CIBAR2: variants seen among roughly 807,000 people sequenced by gnomAD.
CIBAR2 encodes CBY1 interacting BAR domain containing 2.
A neutral mutation model predicts 36.2 loss-of-function variants in CIBAR2; 38 were observed. That is an observed-to-expected ratio of 1.05 (90% confidence interval 0.81 to 1.38). The LOEUF (loss-of-function observed/expected upper bound fraction) is 1.38. CIBAR2 is among the 40% of genes most tolerant of loss of function. The pLI is 0.00. For missense variants in CIBAR2, 481 were observed against 383.4 expected (o/e 1.25, Z -2.13); for synonymous variants, 182 against 149.5 (o/e 1.22, Z -1.58).
At chr16:85,110,955 T>A (rs1006782060) in intron 1 of CIBAR2, among the ~76,000 whole-genome samples, 6 of 151,950 alleles carry the variant, frequency 3.9e-5, no homozygotes, top group African/African-American at 1.4e-4. Context: ...TCTGCCTGCC[T>A]TGGCCTCCCA....
intron 2 of CIBAR2, among the ~76,000 whole-genome samples, chr16:85,109,729 G>C (rs565324427): frequency 2.0e-5 from 3 of 152,264 alleles, no homozygotes; most frequent in African/African-American, 7.2e-5. Flanking sequence ...AAACTCCTGG[G>C]CTCAGACAGT....
rs142788358 is a variant in CIBAR2 at position 85,100,208 on chromosome 16, C to G, written c.684G>C (p.Gly228=). Residue 228 remains glycine, a synonymous_variant, in exon 8 of 9, where the codon GGG becomes GGC. Coordinates refer to ENST00000539556, the MANE Select transcript of CIBAR2 (RefSeq NM_198491.3). ...DFRAKMQGVY[G]HYDTRLLANT... Reference sequence around the variant, plus strand: ...TGGCAAGCAGCCGAGTGTCATAATGCCCATAAACTCCTTGCATCTTGGCTC... The same window carrying G: ...TGGCAAGCAGCCGAGTGTCATAATGGCCATAAACTCCTTGCATCTTGGCTC... 1 of 1,611,014 alleles carries G rather than the reference C, an allele frequency of 6.2e-7. No homozygotes were observed. The highest frequency in any genetic ancestry group is 1.7e-5 in the Admixed American group (1 of 59,354).
chr16:85,101,322 C>T lies in CIBAR2; in HGVS notation c.651+892G>A, dbSNP rs78060129. Among the ~76,000 whole-genome samples, 1,406 of 152,202 alleles carry T rather than the reference C, an allele frequency of 9.2e-3. 22 individuals carry two copies. Among genetic ancestry groups the T allele is most frequent in the African/African-American group, 0.033 (1,350 of 41,518 alleles). ...ATTTTGCAGTGGGCCCTGCAAATCT[C>T]GTGGCCTGTCCTGTGCTCAGATGAC... On this transcript the variant is annotated intron_variant, in intron 7 of 8. Transcript: ENST00000539556.
At chr16:85,111,425 G>A (rs2144181805) in intron 1 of CIBAR2, among the ~76,000 whole-genome samples, 1 of 152,316 alleles carries the variant, frequency 6.6e-6, no homozygotes, top group South Asian at 2.1e-4. Context: ...GTTCCCGCAG[G>A]TAGGGTCCTC....
intron 6 of CIBAR2, among the ~76,000 whole-genome samples, chr16:85,103,821 C>G (rs2073973745): frequency 6.6e-6 from 1 of 152,216 alleles, no homozygotes; most frequent in Admixed American, 6.5e-5. Flanking sequence ...TCCTGTGGCA[C>G]TGACATGCAG....
chr16:85,107,580 C>A, intron 5 of CIBAR2, 87 bp downstream of exon 5: 1 of 1,421,082 alleles, frequency 7.0e-7, no homozygotes, highest in Non-Finnish European at 1.0e-6. Context: ...CTGCTTCAGA[C>A]CAGGTAAAGT....
intron 6 of CIBAR2, among the ~76,000 whole-genome samples, chr16:85,103,685 G>A (rs994685994): frequency 7.9e-5 from 12 of 152,186 alleles, no homozygotes; most frequent in African/African-American, 1.7e-4. Flanking sequence ...AATCACTGAC[G>A]CTTCATTCCC....
rs761723571 is a variant in CIBAR2 at position 85,112,289 on chromosome 16, G to T, written c.20+44C>A. 6.1e-6 allele frequency: 9 copies of T among 1,479,078 alleles called. No individual in the cohort carries two copies. The Admixed American group carries it at 7.2e-5, about 12-fold the overall frequency. The allele number at this position is 1,479,078 out of a possible 1,614,324, so 91.6% of individuals were successfully genotyped here. ...GTTGGTGCCCCGGGCCTCAAAACCC[G>T]ACTTCCACCTCCCTCACAGCCAGGC... On this transcript the variant is annotated intron_variant, in intron 1 of 8. Coordinates refer to ENST00000539556, the MANE Select transcript of CIBAR2 (RefSeq NM_198491.3).
At chr16:85,103,965 G>C (rs1474388977) in intron 6 of CIBAR2, among the ~76,000 whole-genome samples, 2 of 152,246 alleles carry the variant, frequency 1.3e-5, no homozygotes, top group Non-Finnish European at 2.9e-5. Context: ...CGTGAGCTCA[G>C]GGACCTTGTA....
At position 85,099,382 on chromosome 16, in the gene CIBAR2, C is replaced by T. The variant is rs369080976; in HGVS notation, c.754-36G>A. On this transcript the variant is annotated intron_variant, in intron 8 of 8. Coordinates refer to ENST00000539556, the MANE Select transcript of CIBAR2 (RefSeq NM_198491.3). ...ATAAATGCACCTGATGGCAGGCCTT[C>T]CTGGGGCTGTAAGGTAACATCTAAT... is the stretch of plus-strand genomic sequence containing the variant. 36 of 1,172,652 alleles carry T rather than the reference C, an allele frequency of 3.1e-5. No individual in the cohort carries two copies. The Middle Eastern group carries it at 9.5e-4, about 31-fold the overall frequency. 72.6% of individuals were successfully genotyped at this position (1,172,652 alleles called of 1,614,324 possible).
At position 85,100,222 on chromosome 16, in the gene CIBAR2, G is replaced by T. The variant is rs1220273358; in HGVS notation, c.670C>A (p.Gln224Lys). 6.2e-7 allele frequency: 1 copy of T among 1,609,636 alleles called. No individual in the cohort carries two copies. Among genetic ancestry groups the T allele is most frequent in the Non-Finnish European group, 8.5e-7 (1 of 1,178,376 alleles). Residue 224 changes from glutamine (Q) to lysine (K), a missense_variant, in exon 8 of 9, where the codon CAA becomes AAA. Transcript: ENST00000539556. ...RDLLDFRAKM[Q>K]GVYGHYDTRL... is the part of the protein sequence containing the mutation. The stretch of plus-strand genomic sequence containing the variant: ...GTGTCATAATGCCCATAAACTCCTT[G>T]CATCTTGGCTCTAAAATCCTGCCGG...
Position 85,102,323 on chromosome 16 carries a change from A to T in CIBAR2, c.542T>A (p.Phe181Tyr). 1 of 1,602,438 alleles carries T rather than the reference A, an allele frequency of 6.2e-7. No homozygotes were observed. Among genetic ancestry groups the T allele is most frequent in the African/African-American group, 1.3e-5 (1 of 74,768 alleles). Residue 181 changes from phenylalanine to tyrosine, a missense_variant, in exon 7 of 9, where the codon TTT becomes TAT. Phe to Tyr is a conservative substitution (Grantham distance 22). Transcript: ENST00000539556. ...QRQKLKDLQK[F>Y]FCDFVTIEMV... Reference sequence around the variant, plus strand: ...CTCAATAGTTACAAAGTCACAAAAAAATTTCTGTGGGGAGAGAAACCCAAA... The same window carrying T: ...CTCAATAGTTACAAAGTCACAAAAATATTTCTGTGGGGAGAGAAACCCAAA...
At chr16:85,102,743 C>G (rs750209153) in intron 6 of CIBAR2, among the ~76,000 whole-genome samples, 1 of 152,208 alleles carries the variant, frequency 6.6e-6, no homozygotes, top group Non-Finnish European at 1.5e-5. Context: ...TCCCTTCTTT[C>G]ACTTCCCCTC....
intron 2 of CIBAR2, among the ~76,000 whole-genome samples, chr16:85,109,757 C>T (rs908210179): frequency 2.0e-5 from 3 of 152,192 alleles, no homozygotes; most frequent in Non-Finnish European, 4.4e-5. Flanking sequence ...CCTAGGCCTC[C>T]CAGAGTGCTG....
Position 85,099,293 on chromosome 16 carries a change from A to C in CIBAR2, c.807T>G (p.His269Gln), listed in dbSNP as rs2073935453. The change falls in exon 9 of 9, where the codon CAT becomes CAG. Residue 269 changes from histidine (H) to glutamine (Q), a missense_variant. Transcript: ENST00000539556. ...SRANEDPEHP[H>Q]ANHGRFSLCE... ...AGAGACTAAACCTGCCATGATTGGC[A>C]TGAGGATGTTCAGGGTCTTCATTTG... 1 of 1,613,792 alleles carries C rather than the reference A, an allele frequency of 6.2e-7. No individual in the cohort carries two copies. The highest frequency in any genetic ancestry group is 1.1e-5 in the South Asian group (1 of 91,092).
At chr16:85,109,127 T>C (rs189235941) in intron 2 of CIBAR2, among the ~76,000 whole-genome samples, 1 of 151,038 alleles carries the variant, frequency 6.6e-6, no homozygotes, top group African/African-American at 2.4e-5. Context: ...GGTAATTAAC[T>C]AGGCCAGGCA....
chr16:85,102,315 C>G lies in CIBAR2; in HGVS notation c.550G>C (p.Asp184His). ...AAAACCATCTCAATAGTTACAAAGT[C>G]ACAAAAAAATTTCTGTGGGGAGAGA... ...KLKDLQKFFC[D>H]FVTIEMVFHA... Residue 184 changes from aspartate (D) to histidine (H), a missense_variant, in exon 7 of 9, where the codon GAC becomes CAC. Coordinates refer to ENST00000539556, the MANE Select transcript of CIBAR2 (RefSeq NM_198491.3). 3.1e-6 allele frequency: 5 copies of G among 1,610,396 alleles called. No individual in the cohort carries two copies. The highest frequency in any genetic ancestry group is 4.2e-6 in the Non-Finnish European group (5 of 1,176,846).
At chr16:85,102,671 AATAAAT>A (rs1047414061) in intron 6 of CIBAR2, among the ~76,000 whole-genome samples, 39 of 152,258 alleles carry the variant, frequency 2.6e-4, no homozygotes, top group African/African-American at 9.4e-4. Flanking sequence ...TAAATAAATA[AATAAAT>A]ATAAAGTATG....
At position 85,099,306 on chromosome 16, in the gene CIBAR2, G is replaced by T; in HGVS notation, c.794C>A (p.Pro265His). The change falls in exon 9 of 9, where the codon CCT becomes CAT. Residue 265 changes from proline (P) to histidine (H), a missense_variant. Pro to His is a moderately conservative substitution (Grantham distance 77). Coordinates refer to ENST00000539556, the MANE Select transcript of CIBAR2 (RefSeq NM_198491.3). ...QVQLSRANED[P>H]EHPHANHGRF... ...GCCATGATTGGCATGAGGATGTTCA[G>T]GGTCTTCATTTGCCCTACTCAGCTG... The T allele has an allele frequency of 6.2e-7, 1 of 1,611,942 alleles. No individual in the cohort carries two copies. Among genetic ancestry groups the T allele is most frequent in the Non-Finnish European group, 8.5e-7 (1 of 1,178,036 alleles).
Sources: gnomAD v4.1 joint callset for allele counts (sites outside exome capture counted in the v4.1 genomes callset) on GRCh38, gnomAD v4.1.1 for gene constraint, MANE v1.5 for transcripts, NCBI Gene and HGNC (gene_info 2026-07-23, HGNC 2026-07-21) for gene names.